GRID1: variants seen among roughly 807,000 people sequenced by gnomAD.
The protein encoded by GRID1 is glutamate ionotropic receptor delta type subunit 1, also known as glutamate receptor ionotropic, delta-1.
Under a neutral mutation model 98.0 loss-of-function variants are expected in GRID1, and 28 were observed. The observed-to-expected ratio is 0.29, with a 90% confidence interval of 0.21 to 0.39. GRID1 has a LOEUF of 0.39. Ranked by LOEUF, GRID1 falls within the 10% of genes least tolerant of loss-of-function variation. The pLI, the probability that GRID1 is intolerant of heterozygous loss-of-function variation, is 1.00. For missense variants in GRID1, 1,111 were observed against 1,340.5 expected, an observed-to-expected ratio of 0.83 and a Z score of 2.67; for synonymous variants, 553 against 538.5, an observed-to-expected ratio of 1.03 and a Z score of -0.37.
intron 12 of GRID1, among the ~76,000 whole-genome samples, chr10:85,674,446 T>C (rs1463847575): frequency 1.3e-5 from 2 of 152,242 alleles, no homozygotes; most frequent in Non-Finnish European, 2.9e-5. Flanking sequence ...ATTTGAGAGA[T>C]TAATGGATTA....
At chr10:85,922,670 A>T (rs1347314002) in intron 4 of GRID1, among the ~76,000 whole-genome samples, 1 of 152,218 alleles carries the variant, frequency 6.6e-6, no homozygotes, top group African/African-American at 2.4e-5. Flanking sequence ...TCTCTGTGCA[A>T]TGTCACCCCT....
chr10:85,728,805 C>T (rs1308183378), intron 9 of GRID1, among the ~76,000 whole-genome samples: 4 of 152,136 alleles, frequency 2.6e-5, no homozygotes. Flanking sequence ...TAAAGCTTAT[C>T]TGTGGTGTGC....
intron 12 of GRID1, among the ~76,000 whole-genome samples, chr10:85,707,130 A>G (rs1430428918): frequency 8.5e-5 from 13 of 152,320 alleles, no homozygotes; most frequent in African/African-American, 2.9e-4. Context: ...ATTAAACTAA[A>G]TAGCTTCTGC....
At chr10:86,102,763 T>A (rs898699282) in intron 4 of GRID1, among the ~76,000 whole-genome samples, 1 of 151,916 alleles carries the variant, frequency 6.6e-6, no homozygotes, top group Non-Finnish European at 1.5e-5. Context: ...CTGCGAGGCC[T>A]ATGGAAGGGC....
At position 86,184,666 on chromosome 10, in the gene GRID1, T is replaced by C. The variant is rs527419134; in HGVS notation, c.520+21698A>G. Among the ~76,000 whole-genome samples the C allele has an allele frequency of 4.6e-5, 7 of 152,200 alleles. No individual in the cohort carries two copies. In the South Asian group the frequency reaches 1.5e-3, roughly 32 times the overall value. On this transcript the variant is annotated intron_variant, in intron 3 of 15. Transcript: ENST00000327946. ...ACACAAAAACACACTGTATTGATTA[T>C]TGTAGCTTTTTAATGTTTTGAAGCT...
At chr10:85,712,963 A>G (rs1231163686) in intron 12 of GRID1, among the ~76,000 whole-genome samples, 2 of 151,774 alleles carry the variant, frequency 1.3e-5, no homozygotes, top group Admixed American at 6.6e-5. Context: ...ACTACATTAA[A>G]AAAGAAACCT....
intron 4 of GRID1, among the ~76,000 whole-genome samples, chr10:86,015,239 G>T (rs763092348): frequency 6.6e-6 from 1 of 152,324 alleles, no homozygotes; most frequent in Non-Finnish European, 1.5e-5. Context: ...AAAAATATGG[G>T]TTGAAGAAAC....
intron 2 of GRID1, among the ~76,000 whole-genome samples, chr10:86,261,576 G>A (rs952753569): frequency 2.0e-5 from 3 of 152,160 alleles, no homozygotes; most frequent in African/African-American, 4.8e-5. Flanking sequence ...AGCCAGGGGC[G>A]TTTTCCTCTT....
At chr10:86,181,409 G>A (rs1245873640) in intron 3 of GRID1, among the ~76,000 whole-genome samples, 1 of 152,160 alleles carries the variant, frequency 6.6e-6, no homozygotes, top group Non-Finnish European at 1.5e-5. Context: ...CTCTTCCAGT[G>A]GACACTAACA....
chr10:86,241,121 C>T (rs994820153), intron 2 of GRID1, among the ~76,000 whole-genome samples: 3 of 152,226 alleles, frequency 2.0e-5, no homozygotes, highest in African/African-American at 2.4e-5. Context: ...TGTGAGGGGT[C>T]CAAGGCCCTG....
In GRID1 at chr10:86,164,915, G is replaced by A. The variant is rs148725576; in HGVS notation, c.521-25891C>T. Among the ~76,000 whole-genome samples, 129 of 152,314 alleles carry A rather than the reference G, an allele frequency of 8.5e-4. 1 individual carries two copies. The highest frequency in any genetic ancestry group is 3.4e-3 in the Middle Eastern group (1 of 294). ...GGGTGGTGATAAAGCATGTCCTTGGGTGATGGGGACCAGAAGGCAGACCAG... is the reference window on the plus strand; with the variant it reads ...GGGTGGTGATAAAGCATGTCCTTGGATGATGGGGACCAGAAGGCAGACCAG... On this transcript the variant is annotated intron_variant, in intron 3 of 15. Coordinates refer to ENST00000327946, the MANE Select transcript of GRID1 (RefSeq NM_017551.3).
chr10:85,845,414 A>T (rs990393526), intron 8 of GRID1, among the ~76,000 whole-genome samples: 3 of 152,188 alleles, frequency 2.0e-5, no homozygotes, highest in Non-Finnish European at 4.4e-5. Flanking sequence ...AGAAGCCATA[A>T]ATAAATTGAG....
rs758884889 is a variant in GRID1 at position 86,366,295 on chromosome 10, G to C, written c.79+19C>G. On this transcript the variant is annotated intron_variant, in intron 1 of 15. Coordinates refer to ENST00000327946, the MANE Select transcript of GRID1 (RefSeq NM_017551.3). The surrounding 1 kb of genome is among the most constrained non-coding windows in gnomAD (Gnocchi z 4.1). ...TGGGGCCCCCGCCCAGCCTCGGCCC[G>C]GCCTCCAGCCGCGCTTACCGATGTG... 23 of 1,479,932 alleles carry C rather than the reference G, an allele frequency of 1.6e-5. No homozygotes were observed. The highest frequency in any genetic ancestry group is 1.9e-5 in the Non-Finnish European group (21 of 1,110,524). 91.7% of individuals were successfully genotyped at this position (1,479,932 alleles called of 1,614,324 possible).
chr10:86,144,656 G>C (rs1230118496), intron 3 of GRID1, among the ~76,000 whole-genome samples: 1 of 152,100 alleles, frequency 6.6e-6, no homozygotes, highest in Non-Finnish European at 1.5e-5. Context: ...CCAGCCTGCA[G>C]TCCTGCCTAA....
intron 4 of GRID1, among the ~76,000 whole-genome samples, chr10:86,062,445 C>T (rs1339054020): frequency 6.6e-6 from 1 of 152,158 alleles, no homozygotes; most frequent in Non-Finnish European, 1.5e-5. Context: ...TCCACCCCTG[C>T]TTCTGGCCCT....
intron 14 of GRID1, among the ~76,000 whole-genome samples, chr10:85,617,023 A>T (rs1163497516): frequency 6.6e-6 from 1 of 152,094 alleles, no homozygotes; most frequent in Non-Finnish European, 1.5e-5. Context: ...AAAGCAAAGG[A>T]GCATATCTTT....
intron 12 of GRID1, among the ~76,000 whole-genome samples, chr10:85,668,335 T>A (rs1444838395): frequency 6.6e-6 from 1 of 152,168 alleles, no homozygotes; most frequent in Non-Finnish European, 1.5e-5. Context: ...TGTGTATATG[T>A]GTGGTTGGCT....
chr10:86,228,344 C>T (rs2132034291), intron 2 of GRID1, among the ~76,000 whole-genome samples: 1 of 151,552 alleles, frequency 6.6e-6, no homozygotes, highest in Non-Finnish European at 1.5e-5. Context: ...GAAACGTAGA[C>T]AATCAGAGGA....
At position 85,980,997 on chromosome 10, in the gene GRID1, C is replaced by G. The variant is rs568156875; in HGVS notation, c.727-64758G>C. Among the ~76,000 whole-genome samples, 1,255 of 152,314 alleles carry G rather than the reference C, an allele frequency of 8.2e-3. 23 individuals carry two copies. The highest frequency in any genetic ancestry group is 0.028 in the African/African-American group (1,175 of 41,544). On this transcript the variant is annotated intron_variant, in intron 4 of 15. Coordinates refer to ENST00000327946, the MANE Select transcript of GRID1 (RefSeq NM_017551.3). The stretch of plus-strand genomic sequence containing the variant: ...GTGACAGCTATCTCTTGCCTTCCTC[C>G]CAGGTGAGCCGTAGCTTGGACAGCC...
Sources: gnomAD v4.1 joint callset for allele counts (sites outside exome capture counted in the v4.1 genomes callset) on GRCh38, gnomAD v4.1.1 for gene constraint, Gnocchi (gnomAD v3.1) non-coding constraint, MANE v1.5 for transcripts, NCBI Gene and HGNC (gene_info 2026-07-23, HGNC 2026-07-21) for gene names.